SPOCK3: variants seen among roughly 807,000 people sequenced by gnomAD.
SPOCK3 encodes SPARC (osteonectin), cwcv and kazal like domains proteoglycan 3.
Under a neutral mutation model 56.6 loss-of-function variants are expected in SPOCK3, and 30 were observed. The observed-to-expected ratio is 0.53, with a 90% CI of 0.40 to 0.72. The LOEUF is 0.72. Among genes scored for constraint, SPOCK3 ranks in the 30% least tolerant of loss-of-function variants. SPOCK3 has a pLI of 0.00. For synonymous variants in SPOCK3, 196 were observed against 183.3 expected, an observed-to-expected ratio of 1.07 and a Z score of -0.56; for missense variants, 527 against 530.0, an observed-to-expected ratio of 0.99 and a Z score of 0.06.
intron 4 of SPOCK3, among the ~76,000 whole-genome samples, chr4:166,924,331 C>T (rs1204027022): frequency 6.6e-6 from 1 of 152,060 alleles, no homozygotes; most frequent in East Asian, 1.9e-4. Context: ...AGCAAGCATT[C>T]AGGAAATTAA....
At chr4:166,766,416 A>G (rs887220427) in intron 7 of SPOCK3, among the ~76,000 whole-genome samples, 4 of 152,152 alleles carry the variant, frequency 2.6e-5, no homozygotes, top group African/African-American at 9.7e-5. Flanking sequence ...GAATTTTGTC[A>G]AAGGCCTTTG....
At chr4:167,005,826 G>T (rs1236772674) in intron 3 of SPOCK3, among the ~76,000 whole-genome samples, 1 of 152,118 alleles carries the variant, frequency 6.6e-6, no homozygotes, top group Non-Finnish European at 1.5e-5. Context: ...AAAGGATACT[G>T]TGAATTAATG....
intron 6 of SPOCK3, among the ~76,000 whole-genome samples, chr4:166,831,481 A>G (rs115934834): frequency 0.028 from 4,254 of 152,242 alleles, 203 homozygotes; most frequent in African/African-American, 0.098. Context: ...TAAAAAAGAT[A>G]TACGGCTATT....
At chr4:166,794,582 A>G (rs1366719344) in intron 6 of SPOCK3, among the ~76,000 whole-genome samples, 2 of 151,824 alleles carry the variant, frequency 1.3e-5, no homozygotes, top group Admixed American at 6.6e-5. Context: ...AACAATTACA[A>G]ATGCATCTAA....
chr4:166,740,640 T>C (rs7668057), intron 9 of SPOCK3, among the ~76,000 whole-genome samples: 119,559 of 151,648 alleles, frequency 0.79, 47,394 homozygotes, highest in South Asian at 0.82. Context: ...ATTCTCCTGC[T>C]TCAGGCGCCA....
At chr4:167,058,073 T>G (rs1185155022) in intron 3 of SPOCK3, among the ~76,000 whole-genome samples, 1 of 152,064 alleles carries the variant, frequency 6.6e-6, no homozygotes, top group African/African-American at 2.4e-5. Flanking sequence ...AGATCGGAAT[T>G]TTAACAAACT....
intron 2 of SPOCK3, among the ~76,000 whole-genome samples, chr4:167,130,025 A>T (rs922655989): frequency 3.3e-5 from 5 of 151,938 alleles, no homozygotes; most frequent in Admixed American, 6.6e-5. Context: ...AATTAAAAAA[A>T]TTTTTTTTGA....
chr4:167,200,583 G>A (rs1313884548), intron 2 of SPOCK3, among the ~76,000 whole-genome samples: 1 of 151,882 alleles, frequency 6.6e-6, no homozygotes, highest in East Asian at 1.9e-4. Flanking sequence ...ACTGATAACA[G>A]CTATGAATAG....
chr4:167,084,371 T>G lies in SPOCK3; in HGVS notation c.190-21834A>C, dbSNP rs145470636. ...TTTAAGTTCAGTTTCTCTGCAATAT[T>G]TTCCTTTTCTGTATATTTCTCTCTT... On this transcript the variant is annotated intron_variant, in intron 2 of 10. Transcript: ENST00000357545. Among the ~76,000 whole-genome samples, 1,111 of 152,242 alleles carry G rather than the reference T, an allele frequency of 7.3e-3. 23 individuals carry two copies. Among genetic ancestry groups the G allele is most frequent in the African/African-American group, 0.025 (1,040 of 41,562 alleles).
At chr4:167,211,579 A>G (rs1292342619) in intron 2 of SPOCK3, among the ~76,000 whole-genome samples, 1 of 152,124 alleles carries the variant, frequency 6.6e-6, no homozygotes, top group Non-Finnish European at 1.5e-5. Flanking sequence ...GTGATAGTGT[A>G]TAAGTTTCAT....
chr4:167,192,926 T>C (rs796967271), intron 2 of SPOCK3, among the ~76,000 whole-genome samples: 2 of 146,274 alleles, frequency 1.4e-5, no homozygotes, highest in African/African-American at 2.6e-5. Flanking sequence ...CTGTTGTTAT[T>C]GATTTCCAGT....
At chr4:167,168,101 C>T (rs1730158306) in intron 2 of SPOCK3, among the ~76,000 whole-genome samples, 1 of 152,144 alleles carries the variant, frequency 6.6e-6, no homozygotes, top group African/African-American at 2.4e-5. Context: ...GAGGCTTCCC[C>T]AGCCATGTGG....
chr4:166,768,412 G>C (rs1322342407), intron 7 of SPOCK3, among the ~76,000 whole-genome samples: 1 of 152,132 alleles, frequency 6.6e-6, no homozygotes, highest in Admixed American at 6.5e-5. Flanking sequence ...GCATTTGCTT[G>C]TCTGTAAAGG....
At chr4:166,987,882 C>A (rs956941554) in intron 4 of SPOCK3, among the ~76,000 whole-genome samples, 2 of 151,952 alleles carry the variant, frequency 1.3e-5, no homozygotes, top group Non-Finnish European at 2.9e-5. Context: ...AAAAGATTTG[C>A]CTGCAAAGAG....
chr4:166,805,062 A>G (rs1743015333), intron 6 of SPOCK3, among the ~76,000 whole-genome samples: 1 of 152,050 alleles, frequency 6.6e-6, no homozygotes. Context: ...ACAGAACAAT[A>G]TTTTCTTCTG....
chr4:166,992,801 T>C (rs1436914599), intron 4 of SPOCK3, among the ~76,000 whole-genome samples: 1 of 105,676 alleles, frequency 9.5e-6, no homozygotes, highest in Non-Finnish European at 2.0e-5. Context: ...ACTATTTGAA[T>C]CTTCCTTTGC....
intron 6 of SPOCK3, among the ~76,000 whole-genome samples, chr4:166,884,497 A>C (rs1305729652): frequency 6.6e-6 from 1 of 152,168 alleles, no homozygotes; most frequent in Non-Finnish European, 1.5e-5. Context: ...GTATAGAAAA[A>C]ATTAAATCTC....
intron 9 of SPOCK3, among the ~76,000 whole-genome samples, chr4:166,738,690 A>G (rs943627601): frequency 1.9e-4 from 25 of 134,832 alleles, no homozygotes; most frequent in African/African-American, 5.9e-4. Context: ...TCATTGTTCA[A>G]TTCCCACCTA....
intron 2 of SPOCK3, among the ~76,000 whole-genome samples, chr4:167,233,146 G>A (rs529534843): frequency 1.3e-5 from 2 of 152,130 alleles, no homozygotes; most frequent in African/African-American, 4.8e-5. Flanking sequence ...CAGTTGTATC[G>A]TGCTCTGTAC....
Sources: gnomAD v4.1 joint callset for allele counts (sites outside exome capture counted in the v4.1 genomes callset) on GRCh38, gnomAD v4.1.1 for gene constraint, MANE v1.5 for transcripts, NCBI Gene and HGNC (gene_info 2026-07-23, HGNC 2026-07-21) for gene names.